RAB3B: variants seen among roughly 807,000 people sequenced by gnomAD.
The protein encoded by RAB3B is RAB3B, member RAS oncogene family, also known as ras-related protein Rab-3B.
Under a neutral mutation model 20.5 loss-of-function variants are expected in RAB3B, and 11 were observed. The observed-to-expected ratio is 0.54, with a 90% CI of 0.34 to 0.89. The LOEUF is 0.89. Among genes scored for constraint, RAB3B ranks in the 40% least tolerant of loss-of-function variants. RAB3B has a pLI of 0.02. For synonymous variants in RAB3B, 99 were observed against 106.3 expected (o/e 0.93, Z 0.42); for missense variants, 225 against 280.9 (o/e 0.80, Z 1.42).
intron 2 of RAB3B, among the ~76,000 whole-genome samples, chr1:51,959,850 T>C (rs1175200197): frequency 6.6e-6 from 1 of 152,256 alleles, no homozygotes; most frequent in Non-Finnish European, 1.5e-5. Flanking sequence ...CTCCATACTA[T>C]CTTTGCAATT....
At chr1:51,983,909 A>C (rs1027250233) in intron 1 of RAB3B, among the ~76,000 whole-genome samples, 1 of 151,994 alleles carries the variant, frequency 6.6e-6, no homozygotes, top group African/African-American at 2.4e-5. Flanking sequence ...GCAGTGAGTC[A>C]AGATTGCACA....
At chr1:51,987,918 C>T (rs530207071) in intron 1 of RAB3B, among the ~76,000 whole-genome samples, 1 of 152,002 alleles carries the variant, frequency 6.6e-6, no homozygotes, top group Non-Finnish European at 1.5e-5. Flanking sequence ...CACTCTGTTT[C>T]CCAGGATGGA....
chr1:51,920,515 G>A (rs1684157696), intron 4 of RAB3B, among the ~76,000 whole-genome samples: 1 of 152,202 alleles, frequency 6.6e-6, no homozygotes, highest in African/African-American at 2.4e-5. Flanking sequence ...TGCTGACAGA[G>A]CAAATGCATA....
At chr1:51,927,864 C>T (rs1489311068) in intron 4 of RAB3B, among the ~76,000 whole-genome samples, 1 of 152,156 alleles carries the variant, frequency 6.6e-6, no homozygotes, top group African/African-American at 2.4e-5. Flanking sequence ...TAGGCAGAAG[C>T]ATATTTCCCT....
intron 4 of RAB3B, among the ~76,000 whole-genome samples, chr1:51,931,079 C>T (rs534533708): frequency 6.6e-6 from 1 of 152,036 alleles, no homozygotes; most frequent in East Asian, 1.9e-4. Flanking sequence ...TAATACATAT[C>T]CAAATATGTA....
At position 51,909,199 on chromosome 1, in the gene RAB3B, G is replaced by A. The variant is rs899472552; in HGVS notation, c.*10728C>T. ...TTCCTGGGACAGGAGTGTGTATTGA[G>A]GTGGAGGGAAGGAGCTGAAAGAAGG... On this transcript the variant is annotated 3_prime_UTR_variant, in exon 5 of 5. Coordinates refer to ENST00000371655, the MANE Select transcript of RAB3B (RefSeq NM_002867.4). 2.0e-5 allele frequency: 3 copies of A among 152,178 alleles called. No individual in the cohort carries two copies. The South Asian group carries it at 6.2e-4, about 31-fold the overall frequency. 9.4% of individuals were successfully genotyped at this position (152,178 alleles called of 1,614,324 possible). A position where few individuals can be genotyped will look rare whatever the true frequency, so the allele number is the denominator to read the frequency against.
intron 2 of RAB3B, among the ~76,000 whole-genome samples, chr1:51,957,569 A>C (rs1162122030): frequency 6.6e-6 from 1 of 152,250 alleles, no homozygotes; most frequent in Non-Finnish European, 1.5e-5. Flanking sequence ...AGGTTTCATA[A>C]TAATATCCTT....
At chr1:51,965,171 A>C (rs1684832284) in intron 2 of RAB3B, among the ~76,000 whole-genome samples, 1 of 151,874 alleles carries the variant, frequency 6.6e-6, no homozygotes, top group African/African-American at 2.4e-5. Flanking sequence ...GTGAGCCGAG[A>C]TTGCGCCACT....
intron 4 of RAB3B, among the ~76,000 whole-genome samples, chr1:51,928,447 G>C (rs1684277528): frequency 6.6e-6 from 1 of 152,210 alleles, no homozygotes. Flanking sequence ...CATATCAATA[G>C]TCTTGACTGA....
intron 2 of RAB3B, among the ~76,000 whole-genome samples, chr1:51,970,493 G>A (rs1553231188): frequency 6.6e-6 from 1 of 152,090 alleles, no homozygotes; most frequent in Non-Finnish European, 1.5e-5. Context: ...AGGGGCTCCA[G>A]GCAATAAGGC....
chr1:51,980,038 C>T lies in RAB3B; in HGVS notation c.1-2921G>A, dbSNP rs1006004035. On this transcript the variant is annotated intron_variant, in intron 1 of 4. Transcript: ENST00000371655. Reference sequence around the variant, plus strand: ...GCCTACGCGACAGAGCGAGACTCCACCCCCCCAAAAAAAAAATTAACTGAC... The same window carrying T: ...GCCTACGCGACAGAGCGAGACTCCATCCCCCCAAAAAAAAAATTAACTGAC... Among the ~76,000 whole-genome samples, 6 of 151,522 alleles carry T rather than the reference C, an allele frequency of 4.0e-5. No individual in the cohort carries two copies. The East Asian group carries it at 5.8e-4, about 15-fold the overall frequency.
At chr1:51,937,578 ACCTCTG>A (rs1684424196) in intron 2 of RAB3B, among the ~76,000 whole-genome samples, 166 bp from the exon 3 acceptor site, 1 of 151,530 alleles carries the variant, frequency 6.6e-6, no homozygotes, top group South Asian at 2.1e-4. Context: ...GCTCACTGCA[ACCTCTG>A]CCTCCTAGGT....
intron 2 of RAB3B, among the ~76,000 whole-genome samples, chr1:51,950,222 G>C (rs1012083551): frequency 1.3e-5 from 2 of 152,246 alleles, no homozygotes; most frequent in Non-Finnish European, 2.9e-5. Flanking sequence ...TCCAGAACCA[G>C]CAGCAGTCCA....
In RAB3B at chr1:51,922,679, T is replaced by TA. The variant is rs200625437; in HGVS notation, c.473-2566_473-2565insT. Among the ~76,000 whole-genome samples the TA allele has an allele frequency of 6.2e-3, 940 of 152,048 alleles. 27 individuals are homozygous for TA. In the South Asian group the frequency reaches 0.093, roughly 15 times the overall value. On this transcript the variant is annotated intron_variant, in intron 4 of 4. Transcript: ENST00000371655. ...GGTCAATCAATAAGCCAGGTCTTTT[T>TA]TTTTTTAATTTCATTTTTATTTATT...
intron 1 of RAB3B, among the ~76,000 whole-genome samples, chr1:51,985,463 A>G (rs2124321631): frequency 6.6e-6 from 1 of 152,316 alleles, no homozygotes; most frequent in South Asian, 2.1e-4. Flanking sequence ...TTTCTGATGT[A>G]GCCCAGCTTC....
intron 3 of RAB3B, 56 bp downstream of exon 3, chr1:51,937,238 A>ATGT: frequency 3.7e-6 from 5 of 1,335,060 alleles, no homozygotes; most frequent in Non-Finnish European, 2.1e-6. Flanking sequence ...GACCTAGCAC[A>ATGT]TGTTAGGTTT....
chr1:51,937,445 G>C (rs773382641), intron 2 of RAB3B, 33 bp from the exon 3 acceptor site: 2 of 1,468,244 alleles, frequency 1.4e-6, no homozygotes, highest in Admixed American at 4.5e-5. Flanking sequence ...CAATCTCTTA[G>C]AAAGTCTGCT....
intron 4 of RAB3B, among the ~76,000 whole-genome samples, chr1:51,922,100 TCATTATACTCA>T: frequency 6.6e-6 from 1 of 152,224 alleles, no homozygotes; most frequent in East Asian, 1.9e-4. Flanking sequence ...AGCTGCTGGC[TCATTATACTCA>T]GGCCATAGAA....
At position 51,977,055 on chromosome 1, in the gene RAB3B, G is replaced by A. The variant is rs1340921263; in HGVS notation, c.63C>T (p.Tyr21=). 3.1e-6 allele frequency: 5 copies of A among 1,614,064 alleles called. No homozygotes were observed. Among genetic ancestry groups the A allele is most frequent in the African/African-American group, 1.3e-5 (1 of 74,918 alleles). The change falls in exon 2 of 5, where the codon TAC becomes TAT. Residue 21 remains tyrosine, a synonymous_variant. Coordinates refer to ENST00000371655, the MANE Select transcript of RAB3B (RefSeq NM_002867.4). ...TGCCAATGATAAGCAGTTTAAACATGTAGTCAAAATTCTGGTCAGAGGCAT... is the reference window on the plus strand; with the variant it reads ...TGCCAATGATAAGCAGTTTAAACATATAGTCAAAATTCTGGTCAGAGGCAT... ...VKDASDQNFD[Y]MFKLLIIGNS...
Sources: gnomAD v4.1 joint callset for allele counts (sites outside exome capture counted in the v4.1 genomes callset) on GRCh38, gnomAD v4.1.1 for gene constraint, MANE v1.5 for transcripts, NCBI Gene and HGNC (gene_info 2026-07-23, HGNC 2026-07-21) for gene names.